STON2: variants seen among roughly 807,000 people sequenced by gnomAD.
STON2 encodes the protein stonin-2.
Under a neutral mutation model 65.7 loss-of-function variants are expected in STON2, and 29 were observed. The ratio of observed to expected loss-of-function variants is 0.44; its 90% CI spans 0.33 to 0.60. The LOEUF (loss-of-function observed/expected upper bound fraction) is 0.60. STON2 is among the 20% of genes least tolerant of loss of function. The pLI, the probability that STON2 is intolerant of heterozygous loss-of-function variation, is 0.03. For missense variants in STON2, 1,054 were observed against 1,118.1 expected (o/e 0.94, Z 0.82); for synonymous variants, 404 against 414.2 (o/e 0.98, Z 0.30).
intron 2 of STON2, among the ~76,000 whole-genome samples, chr14:81,410,084 C>T (rs954465891): frequency 3.9e-5 from 6 of 151,950 alleles, no homozygotes; most frequent in Non-Finnish European, 8.8e-5. Context: ...TGAATATGGT[C>T]TTAACAGCTG....
At chr14:81,405,243 A>G (rs1193964788), upstream of STON2, among the ~76,000 whole-genome samples, 2 of 151,882 alleles carry the variant, frequency 1.3e-5, no homozygotes, top group South Asian at 4.2e-4. Flanking sequence ...TCTCATCTCC[A>G]TTCTCCCATA....
intron 2 of STON2, among the ~76,000 whole-genome samples, chr14:81,420,870 C>A (rs1218883859): frequency 1.3e-5 from 2 of 152,168 alleles, no homozygotes; most frequent in East Asian, 3.9e-4. Flanking sequence ...GTGTATGCAA[C>A]CTCCCTGATT....
Position 81,264,205 on chromosome 14 carries a change from G to A in STON2, c.*4209C>T. ...CAAAAATGTTTTTCAATGTGAATGAGGTACATTGTAGTTCAAATTCAGCAG... is the reference window on the plus strand; with the variant it reads ...CAAAAATGTTTTTCAATGTGAATGAAGTACATTGTAGTTCAAATTCAGCAG... On this transcript the variant is annotated 3_prime_UTR_variant, in exon 8 of 8. Transcript: ENST00000614646. 1 of 985,372 alleles carries A rather than the reference G, an allele frequency of 1.0e-6. No homozygotes were observed. The allele number at this position is 985,372 out of a possible 1,614,324, so 61.0% of individuals were successfully genotyped here.
intron 3 of STON2, among the ~76,000 whole-genome samples, chr14:81,391,698 C>A (rs917478110): frequency 6.6e-6 from 1 of 152,176 alleles, no homozygotes; most frequent in African/African-American, 2.4e-5. Flanking sequence ...TAATGCTGTG[C>A]ACCGTCCCCT....
At chr14:81,309,114 C>T (rs1896325786) in intron 5 of STON2, among the ~76,000 whole-genome samples, 1 of 150,694 alleles carries the variant, frequency 6.6e-6, no homozygotes, top group African/African-American at 2.4e-5. Context: ...GTTATTTTGA[C>T]CCATGAGCCT....
At chr14:81,386,497 T>C (rs1029197044) in intron 3 of STON2, among the ~76,000 whole-genome samples, 1 of 152,222 alleles carries the variant, frequency 6.6e-6, no homozygotes, top group East Asian at 1.9e-4. Flanking sequence ...GCTCTTTCTC[T>C]GGTCCCAAAT....
At chr14:81,412,949 C>A in intron 2 of STON2, 2 of 853,178 alleles carry the variant, frequency 2.3e-6, no homozygotes, top group Non-Finnish European at 3.7e-6. Flanking sequence ...AGTCAGCCAG[C>A]CCCCTTCTCC....
intron 4 of STON2, among the ~76,000 whole-genome samples, chr14:81,338,086 T>C (rs189144103): frequency 0.013 from 1,934 of 152,354 alleles, 36 homozygotes; most frequent in African/African-American, 0.044. Flanking sequence ...TTGTTGACCC[T>C]GATTCTTGAC....
intron 5 of STON2, among the ~76,000 whole-genome samples, chr14:81,322,728 C>T (rs34451967): frequency 6.6e-6 from 1 of 152,214 alleles, no homozygotes; most frequent in Non-Finnish European, 1.5e-5. Context: ...AACTCATACC[C>T]TCACTCACAG....
chr14:81,361,044 A>G (rs1898470804), intron 4 of STON2, among the ~76,000 whole-genome samples: 1 of 152,208 alleles, frequency 6.6e-6, no homozygotes, highest in Admixed American at 6.5e-5. Flanking sequence ...AGAATAATTC[A>G]TACTGTTAAA....
chr14:81,335,417 T>C (rs1897333852), intron 4 of STON2, among the ~76,000 whole-genome samples: 1 of 152,238 alleles, frequency 6.6e-6, no homozygotes, highest in African/African-American at 2.4e-5. Flanking sequence ...TCCTGTCATT[T>C]CCATCTAATG....
intron 1 of STON2, among the ~76,000 whole-genome samples, chr14:81,431,896 G>T (rs948917370): frequency 6.6e-6 from 1 of 152,020 alleles, no homozygotes; most frequent in African/African-American, 2.4e-5. Flanking sequence ...GGCAAGCTTA[G>T]ATCACACCAC....
In STON2 at chr14:81,278,707, C is replaced by T. The variant is rs1239605857; in HGVS notation, c.775G>A (p.Val259Ile). The T allele has an allele frequency of 2.6e-6, 4 of 1,518,714 alleles. No individual in the cohort carries two copies. Among genetic ancestry groups the T allele is most frequent in the Non-Finnish European group, 2.6e-6 (3 of 1,136,070 alleles). The allele number at this position is 1,518,714 out of a possible 1,614,324, so 94.1% of individuals were successfully genotyped here. The change falls in exon 6 of 8, where the codon GTA becomes ATA. Residue 259 changes from valine (V) to isoleucine (I), a missense_variant. Val to Ile is a conservative substitution (Grantham distance 29, BLOSUM62 3). Transcript: ENST00000614646. The part of the protein sequence containing the change: ...NSSSLQEDEE[V>I]EMEAISWQAS... ...TGCCAGCTGATGGCCTCCATCTCTA[C>T]TTCTTCATCTTCTTGAAGCGAGGAG... is the stretch of plus-strand genomic sequence containing the variant.
At chr14:81,394,003 C>A (rs1031063731) in intron 3 of STON2, among the ~76,000 whole-genome samples, 9 of 152,260 alleles carry the variant, frequency 5.9e-5, no homozygotes, top group African/African-American at 2.2e-4. Context: ...CCAGCCTGGC[C>A]AACATGGCAA....
At chr14:81,356,404 G>T (rs1046684953) in intron 4 of STON2, among the ~76,000 whole-genome samples, 2 of 152,170 alleles carry the variant, frequency 1.3e-5, no homozygotes, top group African/African-American at 2.4e-5. Flanking sequence ...GCTGGATTCG[G>T]TTTGCCAGTA....
chr14:81,296,256 T>C (rs1895756782), intron 5 of STON2, among the ~76,000 whole-genome samples: 1 of 152,184 alleles, frequency 6.6e-6, no homozygotes, highest in Admixed American at 6.5e-5. Flanking sequence ...ATACAGGATA[T>C]GTGAAAAGTA....
At chr14:81,288,161 T>C (rs1436251189) in intron 5 of STON2, among the ~76,000 whole-genome samples, 1 of 152,264 alleles carries the variant, frequency 6.6e-6, no homozygotes. Flanking sequence ...TGTTTTATTT[T>C]ATATTGCCAT....
At chr14:81,373,999 CT>C (rs57877137) in intron 3 of STON2, among the ~76,000 whole-genome samples, 322 of 60,440 alleles carry the variant, frequency 5.3e-3, no homozygotes, top group Middle Eastern at 0.012. Flanking sequence ...ATAATAATGC[CT>C]TTTTTTTTTT....
intron 5 of STON2, among the ~76,000 whole-genome samples, chr14:81,314,674 C>T (rs556015878): frequency 6.6e-5 from 10 of 152,266 alleles, no homozygotes; most frequent in East Asian, 3.9e-4. Flanking sequence ...CTGAGCCTTC[C>T]CTGCCACTTA....
Sources: gnomAD v4.1 joint callset for allele counts (sites outside exome capture counted in the v4.1 genomes callset) on GRCh38, gnomAD v4.1.1 for gene constraint, MANE v1.5 for transcripts, NCBI Gene and HGNC (gene_info 2026-07-23, HGNC 2026-07-21) for gene names.